Variants in FAM228B observed in about 807,000 individuals in gnomAD.
FAM228B encodes the protein family with sequence similarity 228 member B.
FAM228B carries 38 observed loss-of-function variants against 42.6 expected under a neutral mutation model. The ratio of observed to expected loss-of-function variants is 0.89; its 90% CI spans 0.69 to 1.17. FAM228B has a LOEUF of 1.17. Ranked by LOEUF, FAM228B falls within the 50% of genes most tolerant of loss-of-function variation. The pLI, the probability that FAM228B is intolerant of heterozygous loss-of-function variation, is 0.00. For missense variants in FAM228B, 344 were observed against 367.3 expected (o/e 0.94, Z 0.52); for synonymous variants, 109 against 122.3 (o/e 0.89, Z 0.72).
intron 3 of FAM228B, chr2:24,115,733 C>G: frequency 9.4e-7 from 1 of 1,059,362 alleles, no homozygotes; most frequent in Non-Finnish European, 1.4e-6. Flanking sequence ...AGGCACTGTG[C>G]TAGGTACTGG....
intron 2 of FAM228B, among the ~76,000 whole-genome samples, chr2:24,091,789 G>C (rs926762761): frequency 6.6e-6 from 1 of 152,056 alleles, no homozygotes; most frequent in African/African-American, 2.4e-5. Context: ...TGAGAATACA[G>C]TACCCAAAAT....
chr2:24,164,981 A>G (rs976761206), intron 9 of FAM228B, among the ~76,000 whole-genome samples: 3 of 151,984 alleles, frequency 2.0e-5, no homozygotes, highest in African/African-American at 7.3e-5. Context: ...CAGGAATAAG[A>G]AAGGAGAAGG....
At chr2:24,124,973 A>G (rs537505964) in intron 2 of FAM228B, among the ~76,000 whole-genome samples, 2 of 152,334 alleles carry the variant, frequency 1.3e-5, no homozygotes, top group South Asian at 4.1e-4. Flanking sequence ...AAATGCTGGG[A>G]TTATAGCTGT....
intron 2 of FAM228B, among the ~76,000 whole-genome samples, chr2:24,129,254 C>A (rs1666393131): frequency 6.7e-6 from 1 of 150,292 alleles, no homozygotes; most frequent in Admixed American, 6.6e-5. Context: ...GGCCACTGTT[C>A]TTCTTTGCCT....
intron 3 of FAM228B, chr2:24,096,474 T>G (rs1484416562): frequency 6.6e-6 from 1 of 152,150 alleles, no homozygotes; most frequent in Admixed American, 6.5e-5. Flanking sequence ...GCACAAGAAC[T>G]TCGTGACACA....
chr2:24,158,626 T>A (rs578260146), intron 7 of FAM228B, among the ~76,000 whole-genome samples: 48 of 152,222 alleles, frequency 3.2e-4, no homozygotes, highest in Non-Finnish European at 4.4e-4. Context: ...TGGAGATCAC[T>A]GAAGAGTTTT....
intron 2 of FAM228B, among the ~76,000 whole-genome samples, chr2:24,131,270 C>T (rs1009929484): frequency 6.6e-6 from 1 of 152,158 alleles, no homozygotes; most frequent in Non-Finnish European, 1.5e-5. Context: ...GTGATGCCTC[C>T]AGCTTTGTTC....
rs1225918237 is a variant in FAM228B, at chr2:24,084,297, T to C, written c.-210+3342T>C. ...CCTTCACGTAGAGGTTTTCCGGTCC[T>C]CCCGGCTTGTCAAAGTGCACGGCTA... On this transcript the variant is annotated intron_variant, in intron 2 of 10. Transcript: ENST00000613899. The surrounding 1 kb of genome is among the most constrained non-coding windows in gnomAD (Gnocchi z 8.4). 2 of 1,614,010 alleles carry C rather than the reference T, an allele frequency of 1.2e-6. No homozygotes were observed. The highest frequency in any genetic ancestry group is 2.2e-5 in the East Asian group (1 of 44,856).
At chr2:24,124,988 C>A (rs1334684214) in intron 2 of FAM228B, among the ~76,000 whole-genome samples, 1 of 152,192 alleles carries the variant, frequency 6.6e-6, no homozygotes, top group East Asian at 1.9e-4. Context: ...AGCTGTGAGC[C>A]CTTGCGCCCA....
chr2:24,104,637 A>G (rs922600904), intron 3 of FAM228B, among the ~76,000 whole-genome samples: 4 of 152,076 alleles, frequency 2.6e-5, no homozygotes, highest in Non-Finnish European at 5.9e-5. Context: ...CCTGGGAAAC[A>G]CCCGAACAGC....
chr2:24,147,186 AT>A, intron 7 of FAM228B, 100 bp downstream of exon 7: 3 of 875,382 alleles, frequency 3.4e-6, no homozygotes, highest in Non-Finnish European at 1.6e-6. Context: ...TAAAATTATC[AT>A]TTTTCTTTTT....
In FAM228B at chr2:24,080,887, A is replaced by C. The variant is rs368891513; in HGVS notation, c.-278A>C. Reference sequence around the variant, plus strand: ...GTAATTGAATCCAGCAGCTGCTCCAAGCTTTTCTGCCATTTGAAGCTTCTT... The same window carrying C: ...GTAATTGAATCCAGCAGCTGCTCCACGCTTTTCTGCCATTTGAAGCTTCTT... On this transcript the variant is annotated 5_prime_UTR_variant, in exon 2 of 11. Coordinates refer to the FAM228B transcript ENST00000613899. The surrounding 1 kb of genome is among the most constrained non-coding windows in gnomAD (Gnocchi z 4.7). The C allele has an allele frequency of 1.2e-6, 2 of 1,614,204 alleles. No homozygotes were observed.
chr2:24,091,882 G>A (rs943256980), intron 2 of FAM228B, among the ~76,000 whole-genome samples: 2 of 152,102 alleles, frequency 1.3e-5, no homozygotes, highest in African/African-American at 4.8e-5. Context: ...GGATAAAGTG[G>A]TGTTAGAGTG....
chr2:24,146,990 T>TC lies in FAM228B; in HGVS notation c.593dup (p.Gln199ThrfsTer4). 1 of 1,551,422 alleles carries TC rather than the reference T, an allele frequency of 6.4e-7. No individual in the cohort carries two copies. The highest frequency in any genetic ancestry group is 8.7e-7 in the Non-Finnish European group (1 of 1,146,814). On this transcript the variant is annotated frameshift_variant, in exon 7 of 11. Transcript: ENST00000615575. LOFTEE classifies it high-confidence loss of function. The stretch of plus-strand genomic sequence containing the variant: ...GAGAAGGTTCAGCTGCATTCCAGAT[T>TC]CCCACAAATTTCTAATTCAAGGCAC...
At chr2:24,115,737 G>A in intron 3 of FAM228B, 9 of 1,005,986 alleles carry the variant, frequency 8.9e-6, no homozygotes, top group Non-Finnish European at 1.4e-5. Context: ...ACTGTGCTAG[G>A]TACTGGAGAA....
intron 2 of FAM228B, among the ~76,000 whole-genome samples, chr2:24,127,003 T>C (rs2151013845): frequency 6.6e-6 from 1 of 152,276 alleles, no homozygotes; most frequent in Admixed American, 6.5e-5. Context: ...TTCAGTGTTT[T>C]TTAGTATATT....
chr2:24,151,016 T>G (rs1667008588), intron 7 of FAM228B, among the ~76,000 whole-genome samples: 1 of 152,190 alleles, frequency 6.6e-6, no homozygotes, highest in African/African-American at 2.4e-5. Flanking sequence ...TTGAATAAAC[T>G]TTCTACTTCT....
At chr2:24,156,654 A>G (rs1286111948) in intron 7 of FAM228B, among the ~76,000 whole-genome samples, 2 of 152,042 alleles carry the variant, frequency 1.3e-5, no homozygotes, top group East Asian at 3.9e-4. Context: ...AAAAATAATA[A>G]TAATTTGCCC....
rs13422505 is a variant in FAM228B at position 24,127,931 on chromosome 2, G to A, written c.99+3471G>A. 2.4e-3 allele frequency among the ~76,000 whole-genome samples: 366 copies of A among 152,192 alleles called. 2 individuals are homozygous for A. Among genetic ancestry groups the A allele is most frequent in the African/African-American group, 8.5e-3 (352 of 41,516 alleles). On this transcript the variant is annotated intron_variant, in intron 2 of 10. Transcript: ENST00000615575. ...GCCTGCCTTGGCCTCCCAAAGTGAT[G>A]GAATTACGGGCATGAGTCACTGTGC...
Sources: gnomAD v4.1 joint callset for allele counts (sites outside exome capture counted in the v4.1 genomes callset) on GRCh38, gnomAD v4.1.1 for gene constraint, Gnocchi (gnomAD v3.1) non-coding constraint, MANE v1.5 for transcripts, NCBI Gene and HGNC (gene_info 2026-07-23, HGNC 2026-07-21) for gene names.